PRDM5: variants seen among roughly 807,000 people sequenced by gnomAD.
The protein encoded by PRDM5 is PR domain zinc finger protein 5.
In PRDM5, 56 loss-of-function variants were observed where a neutral mutation model predicts 81.2. The observed-to-expected ratio is 0.69, with a 90% confidence interval of 0.56 to 0.86. The LOEUF (loss-of-function observed/expected upper bound fraction) is 0.86, where lower values mean the gene tolerates loss of function less well. Among genes scored for constraint, PRDM5 ranks in the 40% least tolerant of loss-of-function variants. PRDM5 has a pLI of 0.00. For missense variants in PRDM5, 697 were observed against 770.1 expected, an observed-to-expected ratio of 0.91 and a Z score of 1.12; for synonymous variants, 267 against 256.4, an observed-to-expected ratio of 1.04 and a Z score of -0.39.
At chr4:120,852,999 C>T (rs559682550) in intron 3 of PRDM5, among the ~76,000 whole-genome samples, 16 of 152,130 alleles carry the variant, frequency 1.1e-4, no homozygotes, top group Admixed American at 3.9e-4. Flanking sequence ...CCACCTCCGA[C>T]AAGCTCAAAG....
chr4:120,746,255 T>C (rs986371834), intron 14 of PRDM5, among the ~76,000 whole-genome samples: 1 of 137,156 alleles, frequency 7.3e-6, no homozygotes, highest in African/African-American at 2.8e-5. Context: ...ACTGGATCCC[T>C]TCCTTACACC....
chr4:120,697,969 A>T (rs1233072939), intron 15 of PRDM5, among the ~76,000 whole-genome samples: 1 of 104,468 alleles, frequency 9.6e-6, no homozygotes, highest in Non-Finnish European at 2.5e-5. Flanking sequence ...AAAATAAAAA[A>T]AAAGAAAATG....
intron 2 of PRDM5, among the ~76,000 whole-genome samples, chr4:120,888,908 A>G (rs559432404): frequency 1.3e-5 from 2 of 152,294 alleles, no homozygotes; most frequent in African/African-American, 4.8e-5. Flanking sequence ...ATCCTTGTTC[A>G]AGTATTTTGC....
In PRDM5 at chr4:120,764,930, TA is replaced by T. The variant is rs747780652; in HGVS notation, c.1538-10293del. On this transcript the variant is annotated intron_variant, in intron 13 of 15. Coordinates refer to ENST00000264808, the MANE Select transcript of PRDM5 (RefSeq NM_018699.4). ...CATATGGAGGTCATCTAATTCTTAT[TA>T]AAAATGTGCTAAAATGTTGTTTTAA... Among the ~76,000 whole-genome samples the T allele has an allele frequency of 2.6e-5, 4 of 152,326 alleles. No individual in the cohort carries two copies. The South Asian group carries it at 6.2e-4, about 24-fold the overall frequency.
chr4:120,794,514 AACAC>A (rs70948364), intron 10 of PRDM5, among the ~76,000 whole-genome samples: 13,378 of 143,482 alleles, frequency 0.093, 634 homozygotes, highest in South Asian at 0.13. Context: ...TCCAAAATCT[AACAC>A]ACACACACAC....
At chr4:120,847,371 TCTGGGAGAA>T (rs2149405600) in intron 3 of PRDM5, among the ~76,000 whole-genome samples, 1 of 152,200 alleles carries the variant, frequency 6.6e-6, no homozygotes, top group Admixed American at 6.5e-5. Context: ...CATCACCCTC[TCTGGGAGAA>T]GCAGGCTGTC....
At chr4:120,758,265 C>G (rs574999109) in intron 13 of PRDM5, among the ~76,000 whole-genome samples, 1 of 152,160 alleles carries the variant, frequency 6.6e-6, no homozygotes, top group African/African-American at 2.4e-5. Context: ...CTGGAGAACC[C>G]TAATACAATA....
chr4:120,767,446 A>G (rs1260846334), intron 13 of PRDM5, among the ~76,000 whole-genome samples: 1 of 152,188 alleles, frequency 6.6e-6, no homozygotes, highest in Non-Finnish European at 1.5e-5. Flanking sequence ...ATATCATAAA[A>G]AAGAAATTTG....
chr4:120,688,256 CT>C (rs71597087), downstream of PRDM5, among the ~76,000 whole-genome samples: 24,018 of 145,998 alleles, frequency 0.16, 2,429 homozygotes, highest in Non-Finnish European at 0.24. Flanking sequence ...TTTTTGTATG[CT>C]TTTTTTTTTG....
At chr4:120,905,099 C>T (rs1474843124) in intron 2 of PRDM5, among the ~76,000 whole-genome samples, 1 of 152,068 alleles carries the variant, frequency 6.6e-6, no homozygotes, top group Non-Finnish European at 1.5e-5. Context: ...TGTTTAAGTA[C>T]ATAAAAGTAA....
At chr4:120,774,968 ATGTG>A (rs534630743) in intron 13 of PRDM5, among the ~76,000 whole-genome samples, 3 of 149,192 alleles carry the variant, frequency 2.0e-5, no homozygotes, top group Admixed American at 6.7e-5. Context: ...ATATGTATAT[ATGTG>A]TGTGTATATG....
At chr4:120,773,884 T>C (rs984441953) in intron 13 of PRDM5, among the ~76,000 whole-genome samples, 11 of 152,184 alleles carry the variant, frequency 7.2e-5, no homozygotes, top group Admixed American at 5.9e-4. Context: ...AACCACAGAC[T>C]TTCAGAAATG....
At chr4:120,745,739 C>A (rs1467857688) in intron 14 of PRDM5, among the ~76,000 whole-genome samples, 3 of 143,132 alleles carry the variant, frequency 2.1e-5, no homozygotes, top group Non-Finnish European at 4.5e-5. Flanking sequence ...TGTGAAGGAC[C>A]TCTTCAAGGA....
intron 3 of PRDM5, among the ~76,000 whole-genome samples, chr4:120,841,173 A>G (rs1757986246): frequency 6.6e-6 from 1 of 152,192 alleles, no homozygotes; most frequent in East Asian, 1.9e-4. Flanking sequence ...ATTTTGTGAC[A>G]TAGTAGACTT....
chr4:120,887,613 A>T (rs1255596111), intron 2 of PRDM5, among the ~76,000 whole-genome samples: 3 of 152,124 alleles, frequency 2.0e-5, no homozygotes, highest in African/African-American at 7.2e-5. Context: ...ACTAACCATT[A>T]GCCTAGCTGC....
intron 12 of PRDM5, among the ~76,000 whole-genome samples, chr4:120,779,947 A>T (rs1578703537): frequency 6.6e-6 from 1 of 151,930 alleles, no homozygotes; most frequent in Non-Finnish European, 1.5e-5. Context: ...ATATATATAT[A>T]ATATCTCCTG....
chr4:120,818,282 C>T, intron 5 of PRDM5, 71 bp downstream of exon 5: 3 of 1,523,630 alleles, frequency 2.0e-6, no homozygotes, highest in East Asian at 4.7e-5. Context: ...AGGTTAAAAA[C>T]TATGAGTTAA....
Position 120,801,898 on chromosome 4 carries a change from GACAA to G in PRDM5, c.946-2157_946-2154del, listed in dbSNP as rs767819019. On this transcript the variant is annotated intron_variant, in intron 8 of 15. Transcript: ENST00000264808. ...TCTGTAATATATATAATTTTATAAT[GACAA>G]ACAAGATACTCTAAAGAGATGTCAT... 1.7e-3 allele frequency among the ~76,000 whole-genome samples: 261 copies of G among 152,048 alleles called. 1 individual carries two copies. Among genetic ancestry groups the G allele is most frequent in the Middle Eastern group, 6.8e-3 (2 of 294 alleles).
intron 2 of PRDM5, among the ~76,000 whole-genome samples, chr4:120,900,198 A>G (rs1410340024): frequency 6.6e-6 from 1 of 152,064 alleles, no homozygotes; most frequent in East Asian, 1.9e-4. Context: ...TAGTATATCA[A>G]CCTAACCTTC....
Sources: gnomAD v4.1 joint callset for allele counts (sites outside exome capture counted in the v4.1 genomes callset) on GRCh38, gnomAD v4.1.1 for gene constraint, MANE v1.5 for transcripts, NCBI Gene and HGNC (gene_info 2026-07-23, HGNC 2026-07-21) for gene names.